The following DGKB variants were observed in gnomAD, a reference collection of about 807,000 sequenced individuals.
The protein encoded by DGKB is diacylglycerol kinase beta.
In DGKB, 67 loss-of-function variants were observed where a neutral mutation model predicts 114.3. The observed-to-expected ratio is 0.59, with a 90% CI of 0.48 to 0.72. The LOEUF (loss-of-function observed/expected upper bound fraction) is 0.72. DGKB is among the 30% of genes least tolerant of loss of function. The pLI, the probability that DGKB is intolerant of heterozygous loss-of-function variation, is 0.00. For missense variants in DGKB, 907 were observed against 975.2 expected (o/e 0.93, Z 0.93); for synonymous variants, 398 against 323.1 (o/e 1.23, Z -2.49).
intron 25 of DGKB, among the ~76,000 whole-genome samples, chr7:14,167,077 A>G (rs371868923): frequency 6.6e-6 from 1 of 151,818 alleles, no homozygotes; most frequent in African/African-American, 2.4e-5. Context: ...TGAGCGTAGT[A>G]GTGTGTGCCT....
At chr7:14,265,649 A>G (rs1244016510) in intron 23 of DGKB, among the ~76,000 whole-genome samples, 1 of 152,096 alleles carries the variant, frequency 6.6e-6, no homozygotes, top group Non-Finnish European at 1.5e-5. Flanking sequence ...GCTATGGTAT[A>G]ACTACCTGTT....
At chr7:14,362,987 C>G (rs1816020211) in intron 21 of DGKB, among the ~76,000 whole-genome samples, 1 of 152,008 alleles carries the variant, frequency 6.6e-6, no homozygotes, top group Admixed American at 6.6e-5. Context: ...GCTCTGGATC[C>G]TAGGCTTCAT....
rs1820865993 is a variant in DGKB at position 14,681,699 on chromosome 7, TG to T, written c.1035+853del. On this transcript the variant is annotated intron_variant, in intron 12 of 25. Transcript: ENST00000402815. The stretch of plus-strand genomic sequence containing the variant: ...TATCAAAAATAGCTATTATTGAAAA[TG>T]TGTGATTCTAATTAACTTACAGAAA... Among the ~76,000 whole-genome samples, 3 of 152,196 alleles carry T rather than the reference TG, an allele frequency of 2.0e-5. No homozygotes were observed. The East Asian group carries it at 5.8e-4, about 29-fold the overall frequency.
intron 1 of DGKB, among the ~76,000 whole-genome samples, chr7:14,846,290 C>T (rs1848617674): frequency 6.6e-6 from 1 of 152,104 alleles, no homozygotes; most frequent in Non-Finnish European, 1.5e-5. Flanking sequence ...TAGTGTAAGC[C>T]ATTGGTTTCT....
At chr7:14,239,996 G>T (rs1435332889) in intron 23 of DGKB, among the ~76,000 whole-genome samples, 1 of 151,948 alleles carries the variant, frequency 6.6e-6, no homozygotes, top group Admixed American at 6.6e-5. Context: ...AAAATAATTT[G>T]ATCCTGCTAC....
chr7:14,943,115 T>C (rs1785664130), intron 1 of DGKB, among the ~76,000 whole-genome samples: 1 of 152,004 alleles, frequency 6.6e-6, no homozygotes, highest in Non-Finnish European at 1.5e-5. Flanking sequence ...CTTTTTATAT[T>C]CTATATGGAA....
chr7:14,713,270 A>G (rs1827659468), intron 6 of DGKB, among the ~76,000 whole-genome samples: 1 of 152,084 alleles, frequency 6.6e-6, no homozygotes, highest in Admixed American at 6.6e-5. Context: ...TGCACTTGCC[A>G]TTATGTGTTG....
chr7:14,236,243 G>A (rs1402202258), intron 23 of DGKB, among the ~76,000 whole-genome samples: 1 of 151,708 alleles, frequency 6.6e-6, no homozygotes, highest in Non-Finnish European at 1.5e-5. Context: ...AGCTTCAGAA[G>A]AGGTAAACTC....
At chr7:14,185,931 GA>G (rs1290099230) in intron 23 of DGKB, among the ~76,000 whole-genome samples, 1 of 152,136 alleles carries the variant, frequency 6.6e-6, no homozygotes, top group Non-Finnish European at 1.5e-5. Flanking sequence ...GATAACATTG[GA>G]AAAACTCTCC....
intron 21 of DGKB, among the ~76,000 whole-genome samples, chr7:14,424,939 CTCCAT>C (rs1401450759): frequency 3.3e-5 from 5 of 152,198 alleles, no homozygotes; most frequent in Admixed American, 6.6e-5. Context: ...TGAGTTCACT[CTCCAT>C]TCTTCTGGGC....
At chr7:14,662,258 G>A (rs576648480) in intron 13 of DGKB, among the ~76,000 whole-genome samples, 5 of 148,302 alleles carry the variant, frequency 3.4e-5, no homozygotes, top group African/African-American at 1.0e-4. Context: ...AGTTGGCAGG[G>A]GCTAGAAATC....
At position 14,178,069 on chromosome 7, in the gene DGKB, A is replaced by T; in HGVS notation, c.2205T>A (p.Ala735=). Residue 735 remains alanine, a synonymous_variant, in exon 24 of 26, where the codon GCT becomes GCA. Coordinates refer to ENST00000402815, the MANE Select transcript of DGKB (RefSeq NM_001350709.2). The stretch of plus-strand genomic sequence containing the variant: ...AGGAGCACTGAGCCAGCCGCCGGCC[A>T]GCACTTTTCAGGCCTGTGTATATTT... ...MGQIYTGLKS[A]GRRLAQCSCV... is the part of the protein sequence containing the mutation. 1 of 1,605,948 alleles carries T rather than the reference A, an allele frequency of 6.2e-7. No individual in the cohort carries two copies. Among genetic ancestry groups the T allele is most frequent in the Non-Finnish European group, 8.5e-7 (1 of 1,177,478 alleles).
At chr7:14,808,428 T>C (rs1000482436) in intron 2 of DGKB, among the ~76,000 whole-genome samples, 1 of 152,060 alleles carries the variant, frequency 6.6e-6, no homozygotes, top group African/African-American at 2.4e-5. Flanking sequence ...TTCCTAAATG[T>C]TCATCATCCT....
At chr7:14,430,103 A>G (rs1828232659) in intron 21 of DGKB, among the ~76,000 whole-genome samples, 1 of 152,090 alleles carries the variant, frequency 6.6e-6, no homozygotes, top group Non-Finnish European at 1.5e-5. Context: ...TTGTTATTAA[A>G]GTACATAGTG....
chr7:14,957,477 A>T (rs36900), intron 1 of DGKB, among the ~76,000 whole-genome samples: 31,076 of 151,956 alleles, frequency 0.2, 3,426 homozygotes, highest in African/African-American at 0.24. Context: ...GCTGAGAGAA[A>T]AATTTCAACT....
chr7:14,804,532 T>C (rs1290535569), intron 2 of DGKB, among the ~76,000 whole-genome samples: 1 of 151,996 alleles, frequency 6.6e-6, no homozygotes, highest in Admixed American at 6.6e-5. Context: ...GCACTAGGTG[T>C]TCAGTTTTAG....
At chr7:14,674,248 C>A (rs1819483720) in intron 12 of DGKB, among the ~76,000 whole-genome samples, 1 of 152,148 alleles carries the variant, frequency 6.6e-6, no homozygotes, top group African/African-American at 2.4e-5. Context: ...TTCTCAGGGG[C>A]ATATAAACTT....
chr7:14,189,007 A>C (rs547867222), intron 23 of DGKB, among the ~76,000 whole-genome samples: 17 of 152,356 alleles, frequency 1.1e-4, no homozygotes, highest in South Asian at 8.3e-4. Flanking sequence ...ATTCATTACC[A>C]TAAAGTTGGT....
intron 13 of DGKB, among the ~76,000 whole-genome samples, chr7:14,665,315 A>G (rs2462567): frequency 0.86 from 130,147 of 151,850 alleles, 55,889 homozygotes; most frequent in East Asian, 0.9. Flanking sequence ...TCACTTATAA[A>G]TGAGAGCTCG....
Sources: allele counts gnomAD v4.1 joint callset (sites outside exome capture counted in the v4.1 genomes callset), GRCh38; gene constraint gnomAD v4.1.1; transcripts MANE v1.5; gene names NCBI Gene and HGNC (gene_info 2026-07-23, HGNC 2026-07-21).